The following MGAT4C variants were observed in gnomAD, a reference collection of about 807,000 sequenced individuals.
The protein encoded by MGAT4C is alpha-1,3-mannosyl-glycoprotein 4-beta-N-acetylglucosaminyltransferase C.
Under a neutral mutation model 40.1 loss-of-function variants are expected in MGAT4C, and 19 were observed. The observed-to-expected ratio is 0.47, with a 90% CI of 0.33 to 0.70. MGAT4C has a LOEUF of 0.70. MGAT4C is among the 30% of genes least tolerant of loss of function. The pLI is 0.02. For synonymous variants in MGAT4C, 181 were observed against 187.1 expected, an observed-to-expected ratio of 0.97 and a Z score of 0.27; for missense variants, 491 against 563.2, an observed-to-expected ratio of 0.87 and a Z score of 1.30.
intron 2 of MGAT4C, among the ~76,000 whole-genome samples, chr12:86,522,315 G>A (rs1256469828): frequency 6.6e-6 from 1 of 152,020 alleles, no homozygotes; most frequent in African/African-American, 2.4e-5. Flanking sequence ...AACATAAAGA[G>A]TGTTGAAATT....
At chr12:86,747,992 G>A (rs1305874065) in intron 1 of MGAT4C, among the ~76,000 whole-genome samples, 1 of 151,584 alleles carries the variant, frequency 6.6e-6, no homozygotes, top group Non-Finnish European at 1.5e-5. Context: ...AAGCTAATTT[G>A]ATTAGCATCA....
chr12:86,418,628 ATG>A (rs1956765573), intron 3 of MGAT4C, among the ~76,000 whole-genome samples: 1 of 151,790 alleles, frequency 6.6e-6, no homozygotes, highest in African/African-American at 2.4e-5. Flanking sequence ...AAATAAATAA[ATG>A]TAATGAATAA....
At chr12:86,295,375 G>C (rs770529338) in intron 4 of MGAT4C, among the ~76,000 whole-genome samples, 1 of 152,124 alleles carries the variant, frequency 6.6e-6, no homozygotes, top group South Asian at 2.1e-4. Context: ...AGACCCTCGC[G>C]GTGAGTGTTA....
At chr12:86,155,566 G>GA (rs914989813) in intron 1 of MGAT4C, among the ~76,000 whole-genome samples, 13 of 152,304 alleles carry the variant, frequency 8.5e-5, no homozygotes, top group Admixed American at 3.3e-4. Context: ...AGTACATGGA[G>GA]AGATGGTGGC....
chr12:86,568,941 A>G (rs2136419221), intron 2 of MGAT4C, among the ~76,000 whole-genome samples: 1 of 152,158 alleles, frequency 6.6e-6, no homozygotes, highest in Non-Finnish European at 1.5e-5. Flanking sequence ...AATGAATTAA[A>G]AACTAGCTGA....
chr12:86,665,723 A>C (rs1397836104), intron 2 of MGAT4C, among the ~76,000 whole-genome samples: 1 of 152,150 alleles, frequency 6.6e-6, no homozygotes, highest in East Asian at 1.9e-4. Flanking sequence ...AAATTATACA[A>C]TTTAATGCAA....
At chr12:86,450,445 C>G (rs1957406954) in intron 2 of MGAT4C, among the ~76,000 whole-genome samples, 1 of 152,090 alleles carries the variant, frequency 6.6e-6, no homozygotes, top group Non-Finnish European at 1.5e-5. Flanking sequence ...AATATTCTCT[C>G]ATTCTGTGGT....
chr12:86,293,023 C>G (rs1953564915), intron 4 of MGAT4C, among the ~76,000 whole-genome samples: 1 of 152,032 alleles, frequency 6.6e-6, no homozygotes, highest in Non-Finnish European at 1.5e-5. Flanking sequence ...ATAAACAATT[C>G]AAGACAAAGA....
At chr12:86,354,856 T>G (rs7962568) in intron 3 of MGAT4C, among the ~76,000 whole-genome samples, 99,472 of 152,068 alleles carry the variant, frequency 0.65, 33,294 homozygotes, top group South Asian at 0.77. Flanking sequence ...GTTACAGCTC[T>G]TAAAGATGGC....
intron 1 of MGAT4C, among the ~76,000 whole-genome samples, chr12:86,761,352 G>A (rs979623768): frequency 2.0e-5 from 3 of 152,176 alleles, no homozygotes; most frequent in Admixed American, 2.0e-4. Flanking sequence ...TATTATTATG[G>A]GTTAAGTGTA....
At chr12:86,646,792 T>G (rs551218702) in intron 2 of MGAT4C, among the ~76,000 whole-genome samples, 3 of 152,092 alleles carry the variant, frequency 2.0e-5, no homozygotes, top group East Asian at 3.9e-4. Flanking sequence ...TGTCTCAAAT[T>G]TATTTATGTA....
intron 4 of MGAT4C, among the ~76,000 whole-genome samples, chr12:86,264,837 G>T (rs1449120839): frequency 6.6e-6 from 1 of 152,004 alleles, no homozygotes; most frequent in South Asian, 2.1e-4. Flanking sequence ...AAGCCCAGGT[G>T]CTGTCACAAA....
chr12:86,657,650 C>T (rs939915251), intron 2 of MGAT4C, among the ~76,000 whole-genome samples: 42 of 151,726 alleles, frequency 2.8e-4, no homozygotes, highest in African/African-American at 9.9e-4. Context: ...GGAATGAAAA[C>T]AATTATAACT....
intron 3 of MGAT4C, among the ~76,000 whole-genome samples, chr12:86,340,003 G>A (rs1018958711): frequency 6.6e-6 from 1 of 152,116 alleles, no homozygotes; most frequent in Admixed American, 6.6e-5. Context: ...TCTACTTCCT[G>A]TAAAGATGCT....
At position 85,970,837 on chromosome 12, in the gene MGAT4C, T is replaced by C. The variant is rs1883588902; in HGVS notation, c.*8452A>G. On this transcript the variant is annotated 3_prime_UTR_variant, in exon 5 of 5. Transcript: ENST00000611864. ...TGATATAGTATGTACAACTTGTTTC[T>C]TAAGTTACTAAAAATGTATTTTCCT... 1 of 151,310 alleles carries C rather than the reference T, an allele frequency of 6.6e-6. No homozygotes were observed. Among genetic ancestry groups the C allele is most frequent in the Non-Finnish European group, 1.5e-5 (1 of 67,406 alleles). 9.4% of individuals were successfully genotyped at this position (151,310 alleles called of 1,614,324 possible). A position where few individuals can be genotyped will look rare whatever the true frequency, so the allele number is the denominator to read the frequency against.
chr12:86,097,132 A>C (rs1874082272), intron 1 of MGAT4C, among the ~76,000 whole-genome samples: 1 of 151,598 alleles, frequency 6.6e-6, no homozygotes, highest in South Asian at 2.1e-4. Flanking sequence ...GTTTGCATAC[A>C]ATCTTGGTCT....
Position 86,101,808 on chromosome 12 carries a change from G to C in MGAT4C, c.-56-52085C>G, listed in dbSNP as rs574958123. Among the ~76,000 whole-genome samples the C allele has an allele frequency of 2.6e-5, 4 of 151,998 alleles. No homozygotes were observed. The East Asian group carries it at 7.7e-4, about 29-fold the overall frequency. ...TACCAACTGACTTTGAATTTAATGA[G>C]AATGTGTATGCATACAGATTTAAAG... On this transcript the variant is annotated intron_variant, in intron 1 of 4. Transcript: ENST00000611864.
intron 1 of MGAT4C, among the ~76,000 whole-genome samples, chr12:86,242,628 A>C (rs903418845): frequency 2.0e-5 from 3 of 152,174 alleles, no homozygotes; most frequent in African/African-American, 7.2e-5. Context: ...TGTCCGGGGA[A>C]GTACTTTAGA....
intron 2 of MGAT4C, among the ~76,000 whole-genome samples, chr12:86,047,146 AG>A (rs1892476301): frequency 1.3e-5 from 2 of 152,296 alleles, no homozygotes; most frequent in South Asian, 4.1e-4. Context: ...AAAATGTTTA[AG>A]AACTGCTGCA....
Sources: gnomAD v4.1 joint callset for allele counts (sites outside exome capture counted in the v4.1 genomes callset) on GRCh38, gnomAD v4.1.1 for gene constraint, MANE v1.5 for transcripts, NCBI Gene and HGNC (gene_info 2026-07-23, HGNC 2026-07-21) for gene names.